PAF1: variants seen among roughly 807,000 people sequenced by gnomAD.
PAF1 encodes the protein RNA polymerase II-associated factor 1 homolog.
PAF1 carries 31 observed loss-of-function variants against 68.4 expected under a neutral mutation model. The observed-to-expected ratio is 0.45, with a 90% CI of 0.34 to 0.61. PAF1 has a LOEUF of 0.61. PAF1 is among the 20% of genes least tolerant of loss of function. The probability of loss-of-function intolerance (pLI) is 0.01; values close to 1 mark genes in which losing one functional copy is unlikely to be tolerated. For synonymous variants in PAF1, 256 were observed against 240.5 expected, an observed-to-expected ratio of 1.06 and a Z score of -0.60; for missense variants, 435 against 692.9, an observed-to-expected ratio of 0.63 and a Z score of 4.18.
chr19:39,390,994 G>A lies in PAF1; in HGVS notation c.-130C>T. 1 of 929,736 alleles carries A rather than the reference G, an allele frequency of 1.1e-6. No homozygotes were observed. Among genetic ancestry groups the A allele is most frequent in the Non-Finnish European group, 1.6e-6 (1 of 623,238 alleles). 57.6% of individuals were successfully genotyped at this position (929,736 alleles called of 1,614,324 possible). A position where few individuals can be genotyped will look rare whatever the true frequency, so the allele number is the denominator to read the frequency against. The stretch of plus-strand genomic sequence containing the variant: ...TTGGCGCCGCTCCCCGCGGAAAGTG[G>A]GTTGAGATGAGGTGGGCGGGCGAGA... On this transcript the variant is annotated 5_prime_UTR_variant, in exon 1 of 14. Coordinates refer to ENST00000221265, the MANE Select transcript of PAF1 (RefSeq NM_019088.4).
At position 39,388,940 on chromosome 19, in the gene PAF1, G is replaced by A; in HGVS notation, c.636+7C>T. The A allele has an allele frequency of 6.2e-7, 1 of 1,613,904 alleles. No individual in the cohort carries two copies. The highest frequency in any genetic ancestry group is 8.5e-7 in the Non-Finnish European group (1 of 1,179,784). ...TGTCCCTTTCTACCTCCCACCTTGG[G>A]CCTGACCTTAAAGTCTGGGAAGACA... is the stretch of plus-strand genomic sequence containing the variant. On this transcript the variant is annotated splice_region_variant and intron_variant, in intron 8 of 13. Transcript: ENST00000221265.
Position 39,386,283 on chromosome 19 carries a change from C to A in PAF1, c.1304G>T (p.Gly435Val). 2 of 1,614,174 alleles carry A rather than the reference C, an allele frequency of 1.2e-6. No homozygotes were observed. The highest frequency in any genetic ancestry group is 1.7e-6 in the Non-Finnish European group (2 of 1,180,028). ...CTCATCCTCGCTGCTCTCGTCCTCACCACTGCCACTCTTGTCACTGGCCTC... is the reference window on the plus strand; with the variant it reads ...CTCATCCTCGCTGCTCTCGTCCTCAACACTGCCACTCTTGTCACTGGCCTC... Reference protein sequence around the residue: ...RDEASDKSGSGEDESSEDEAR... With the variant: ...RDEASDKSGSVEDESSEDEAR... Residue 435 changes from glycine (G) to valine (V), a missense_variant, in exon 14 of 14, where the codon GGT (glycine) becomes GTT (valine). Transcript: ENST00000221265. This position sits in a 1 kb window ranked among gnomAD's most constrained non-coding sequence, Gnocchi z 6.1.
In PAF1 at chr19:39,389,798, CA is replaced by C. The variant is rs1483894425; in HGVS notation, c.171-38del. Reference sequence around the variant, plus strand: ...AACACCTATTGTGGTGTTTGGATTCCAGCTTCACCCCTCACAGCCCTGCTTC... The same window carrying C: ...AACACCTATTGTGGTGTTTGGATTCCGCTTCACCCCTCACAGCCCTGCTTC... On this transcript the variant is annotated intron_variant, in intron 3 of 13. Transcript: ENST00000221265. This position sits in a 1 kb window ranked among gnomAD's most constrained non-coding sequence, Gnocchi z 5.3. The C allele has an allele frequency of 6.2e-7, 1 of 1,613,192 alleles. No homozygotes were observed.
rs374947265 is a variant in PAF1 at position 39,386,110 on chromosome 19, T to C, written c.1477A>G (p.Ser493Gly). The C allele has an allele frequency of 1.6e-5, 26 of 1,613,898 alleles. No individual in the cohort carries two copies. The African/African-American group carries it at 3.3e-4, about 21-fold the overall frequency. The change falls in exon 14 of 14, where the codon AGC becomes GGC. Residue 493 changes from serine (S) to glycine (G), a missense_variant. By Grantham distance (56) the Ser-to-Gly change is moderately conservative. Transcript: ENST00000221265. The surrounding 1 kb of genome is among the most constrained non-coding windows in gnomAD (Gnocchi z 6.1). Reference sequence around the variant, plus strand: ...CTGGCGCTGCGGCTGTGGCTCCGGCTCCGCTGGCCACCCCCATTGCTGCCG... The same window carrying C: ...CTGGCGCTGCGGCTGTGGCTCCGGCCCCGCTGGCCACCCCCATTGCTGCCG... ...DSGSNGGGQR[S>G]RSHSRSASPF...
intron 10 of PAF1, 34 bp downstream of exon 10, chr19:39,388,526 C>G (rs1182111950): frequency 1.2e-6 from 2 of 1,613,412 alleles, no homozygotes; most frequent in African/African-American, 1.3e-5. Flanking sequence ...CCCAAAACTT[C>G]CCAATCCCCA....
At chr19:39,388,226 C>T in intron 11 of PAF1, 113 bp downstream of exon 11, 2 of 996,750 alleles carry the variant, frequency 2.0e-6, no homozygotes, top group Non-Finnish European at 3.1e-6. Context: ...CTCTTGTTTA[C>T]CAATGCATAT....
rs2078346021 is a variant in PAF1 at position 39,390,204 on chromosome 19, C to T, written c.78-43G>A. On this transcript the variant is annotated intron_variant, in intron 2 of 13. Coordinates refer to ENST00000221265, the MANE Select transcript of PAF1 (RefSeq NM_019088.4). Reference sequence around the variant, plus strand: ...TCAAAAGTGGGCCCCCGCTGCCCCACCTCTGCTCCCAGCCCCACTGCCCCA... The same window carrying T: ...TCAAAAGTGGGCCCCCGCTGCCCCATCTCTGCTCCCAGCCCCACTGCCCCA... 9 of 1,612,684 alleles carry T rather than the reference C, an allele frequency of 5.6e-6. No individual in the cohort carries two copies. The South Asian group carries it at 7.7e-5, about 14-fold the overall frequency.
Position 39,388,976 on chromosome 19 carries a change from C to T in PAF1, c.607G>A (p.Glu203Lys). Residue 203 changes from glutamate (E) to lysine (K), a missense_variant, in exon 8 of 14, where the codon GAG (glutamate) becomes AAG (lysine). Glu to Lys is a moderately conservative substitution (Grantham distance 56). Coordinates refer to ENST00000221265, the MANE Select transcript of PAF1 (RefSeq NM_019088.4). ...AAGTCTGGGAAGACAGGCATGACCT[C>T]CACCGGTGTGACTCGGGGTTTGCTG... ...HYSKPRVTPVEVMPVFPDFKM... is the reference protein window; with the variant it reads ...HYSKPRVTPVKVMPVFPDFKM... 1 of 1,614,148 alleles carries T rather than the reference C, an allele frequency of 6.2e-7. No individual in the cohort carries two copies.
chr19:39,390,957 G>C lies in PAF1; in HGVS notation c.-93C>G. 7.7e-7 allele frequency: 1 copy of C among 1,302,162 alleles called. No homozygotes were observed. The allele number at this position is 1,302,162 out of a possible 1,614,324, so 80.7% of individuals were successfully genotyped here. A position where few individuals can be genotyped will look rare whatever the true frequency, so the allele number is the denominator to read the frequency against. On this transcript the variant is annotated 5_prime_UTR_variant, in exon 1 of 14. Coordinates refer to ENST00000221265, the MANE Select transcript of PAF1 (RefSeq NM_019088.4). Reference sequence around the variant, plus strand: ...CGACTTCAGGGGACGCCTGATCCGAGGAAGGCCCAGCTTGGCGCCGCTCCC... The same window carrying C: ...CGACTTCAGGGGACGCCTGATCCGACGAAGGCCCAGCTTGGCGCCGCTCCC...
Position 39,389,837 on chromosome 19 carries a change from C to A in PAF1, c.171-76G>T, listed in dbSNP as rs2078334468. Reference sequence around the variant, plus strand: ...ACAGCCCTGCTTCCCAGAGGCGGAGCTTCTCTGGGGAGGAACTCAGAATGA... The same window carrying A: ...ACAGCCCTGCTTCCCAGAGGCGGAGATTCTCTGGGGAGGAACTCAGAATGA... On this transcript the variant is annotated intron_variant, in intron 3 of 13. Transcript: ENST00000221265. This position sits in a 1 kb window ranked among gnomAD's most constrained non-coding sequence, Gnocchi z 5.3. 1.9e-6 allele frequency: 3 copies of A among 1,592,420 alleles called. No individual in the cohort carries two copies. Among genetic ancestry groups the A allele is most frequent in the Non-Finnish European group, 2.6e-6 (3 of 1,162,456 alleles).
Position 39,388,551 on chromosome 19 carries a change from C to G in PAF1, c.857+9G>C. On this transcript the variant is annotated intron_variant, in intron 10 of 13. Transcript: ENST00000221265. ...CCCAATCCCCAAAACTTAACCGCAA[C>G]CCACGCACACATCATCTGGTGCATA... The G allele has an allele frequency of 6.2e-7, 1 of 1,613,692 alleles. No individual in the cohort carries two copies. The highest frequency in any genetic ancestry group is 8.5e-7 in the Non-Finnish European group (1 of 1,179,604).
At position 39,388,991 on chromosome 19, in the gene PAF1, G is replaced by A. The variant is rs2078314145; in HGVS notation, c.592C>T (p.Arg198Ter). Residue 198 changes from arginine to a stop codon, truncating the protein, a stop_gained, in exon 8 of 14, where the codon CGA becomes TGA. Transcript: ENST00000221265. LOFTEE classifies it high-confidence loss of function. ...KSISQHYSKP[R>*]VTPVEVMPVF... is the part of the protein sequence containing the mutation. ...GGCATGACCTCCACCGGTGTGACTC[G>A]GGGTTTGCTGTAATGCTGTGAGATC... is the stretch of plus-strand genomic sequence containing the variant. 2 of 1,614,140 alleles carry A rather than the reference G, an allele frequency of 1.2e-6. No individual in the cohort carries two copies. The highest frequency in any genetic ancestry group is 2.2e-5 in the East Asian group (1 of 44,886).
intron 8 of PAF1, 30 bp downstream of exon 8, chr19:39,388,916 GT>G: frequency 6.2e-7 from 1 of 1,611,482 alleles, no homozygotes; most frequent in South Asian, 1.1e-5. Context: ...CAAATAGGCT[GT>G]CCCTTTCTAC....
rs143267746 is a variant in PAF1, at chr19:39,389,034, G to C, written c.568-19C>G. The C allele has an allele frequency of 2.1e-4, 333 of 1,613,878 alleles. 1 individual carries two copies. In the East Asian group the frequency reaches 2.2e-3, roughly 11 times the overall value. ...GTGAGATCTGGTGGAACAAAAACAA[G>C]GTGAGGAGGAGCTCTGCAGCCGCAC... On this transcript the variant is annotated intron_variant, in intron 7 of 13. Coordinates refer to ENST00000221265, the MANE Select transcript of PAF1 (RefSeq NM_019088.4). The surrounding 1 kb of genome is among the most constrained non-coding windows in gnomAD (Gnocchi z 5.3).
In PAF1 at chr19:39,389,050, G is replaced by T. The variant is rs2078315313; in HGVS notation, c.568-35C>A. On this transcript the variant is annotated intron_variant, in intron 7 of 13. Transcript: ENST00000221265. This position sits in a 1 kb window ranked among gnomAD's most constrained non-coding sequence, Gnocchi z 5.3. ...CAAAAACAAGGTGAGGAGGAGCTCTGCAGCCGCACCCTTGCCTCTCCCCAT... is the reference window on the plus strand; with the variant it reads ...CAAAAACAAGGTGAGGAGGAGCTCTTCAGCCGCACCCTTGCCTCTCCCCAT... 4.3e-6 allele frequency: 7 copies of T among 1,612,694 alleles called. No homozygotes were observed.
rs748866723 is a variant in PAF1 at position 39,388,598 on chromosome 19, C to T, written c.819G>A (p.Arg273=). 6.2e-7 allele frequency: 1 copy of T among 1,614,124 alleles called. No homozygotes were observed. Among genetic ancestry groups the T allele is most frequent in the South Asian group, 1.1e-5 (1 of 91,084 alleles). ...PVEETLKKRK[R]DQEEEMDYAP... ...CATAGTCCATCTCCTCCTCCTGGTCCCGCTTTCGTTTCTTCAACGTCTCTT... is the reference window on the plus strand; with the variant it reads ...CATAGTCCATCTCCTCCTCCTGGTCTCGCTTTCGTTTCTTCAACGTCTCTT... Residue 273 remains arginine, a synonymous_variant, in exon 10 of 14, where the codon CGG becomes CGA. Coordinates refer to ENST00000221265, the MANE Select transcript of PAF1 (RefSeq NM_019088.4).
chr19:39,390,648 C>G (rs2078359967), intron 1 of PAF1, among the ~76,000 whole-genome samples, 170 bp downstream of exon 1: 1 of 152,206 alleles, frequency 6.6e-6, no homozygotes, highest in African/African-American at 2.4e-5. Context: ...AATCCCTGAA[C>G]TGCACGGCGG....
Position 39,386,501 on chromosome 19 carries a change from C to T in PAF1, c.1164G>A (p.Glu388=). 1 of 1,614,168 alleles carries T rather than the reference C, an allele frequency of 6.2e-7. No individual in the cohort carries two copies. Among genetic ancestry groups the T allele is most frequent in the African/African-American group, 1.3e-5 (1 of 75,032 alleles). ...EEEEEEMETE[E]KEAGGSDEEQ... is the part of the protein sequence containing the mutation. ...ATTTACCTGAGCCCCCAGCTTCTTTCTCTTCTGTCTCCATCTCCTCTTCCT... is the reference window on the plus strand; with the variant it reads ...ATTTACCTGAGCCCCCAGCTTCTTTTTCTTCTGTCTCCATCTCCTCTTCCT... Residue 388 remains glutamate (E), a synonymous_variant, in exon 13 of 14, where the codon GAG becomes GAA. Transcript: ENST00000221265. This position sits in a 1 kb window ranked among gnomAD's most constrained non-coding sequence, Gnocchi z 6.1.
Position 39,389,426 on chromosome 19 carries a change from T to C in PAF1, c.360-43A>G. 6.2e-7 allele frequency: 1 copy of C among 1,607,128 alleles called. No individual in the cohort carries two copies. The highest frequency in any genetic ancestry group is 1.3e-5 in the African/African-American group (1 of 74,914). On this transcript the variant is annotated intron_variant, in intron 5 of 13. Transcript: ENST00000221265. The surrounding 1 kb of genome is among the most constrained non-coding windows in gnomAD (Gnocchi z 5.3). Reference sequence around the variant, plus strand: ...GTATCTCAGGACCCCACTGCCCTCCTGCTTGTAGGGCCCACCTGAGCCAGT... The same window carrying C: ...GTATCTCAGGACCCCACTGCCCTCCCGCTTGTAGGGCCCACCTGAGCCAGT...
Sources: gnomAD v4.1 joint callset for allele counts (sites outside exome capture counted in the v4.1 genomes callset) on GRCh38, gnomAD v4.1.1 for gene constraint, Gnocchi (gnomAD v3.1) non-coding constraint, MANE v1.5 for transcripts, NCBI Gene and HGNC (gene_info 2026-07-23, HGNC 2026-07-21) for gene names.